The following DPYD variants were observed in gnomAD, a reference collection of about 807,000 sequenced individuals.
DPYD encodes the protein dihydropyrimidine dehydrogenase.
Under a neutral mutation model 116.2 loss-of-function variants are expected in DPYD, and 109 were observed. The ratio of observed to expected loss-of-function variants is 0.94; its 90% confidence interval spans 0.80 to 1.10. The LOEUF (loss-of-function observed/expected upper bound fraction) is 1.10. Among genes scored for constraint, DPYD ranks in the 50% least tolerant of loss-of-function variants. DPYD has a pLI of 0.00. For synonymous variants in DPYD, 440 were observed against 432.0 expected (o/e 1.02, Z -0.23); for missense variants, 1,302 against 1,254.5 (o/e 1.04, Z -0.57).
At chr1:97,569,287 G>T (rs960171812) in intron 11 of DPYD, among the ~76,000 whole-genome samples, 1 of 151,372 alleles carries the variant, frequency 6.6e-6, no homozygotes, top group African/African-American at 2.4e-5. Flanking sequence ...ACAATAAATC[G>T]ATTAAACCTG....
chr1:97,704,422 A>C (rs966339185), intron 5 of DPYD, among the ~76,000 whole-genome samples: 1 of 151,864 alleles, frequency 6.6e-6, no homozygotes, highest in East Asian at 1.9e-4. Flanking sequence ...GTGTAAGTTA[A>C]AAAAAAGAGG....
chr1:97,432,930 T>C (rs577799807), intron 14 of DPYD, among the ~76,000 whole-genome samples: 5 of 152,274 alleles, frequency 3.3e-5, no homozygotes, highest in Admixed American at 2.6e-4. Context: ...TCTTTACTTA[T>C]TGTTAATCCA....
At chr1:97,763,428 T>C (rs1665684519) in intron 3 of DPYD, among the ~76,000 whole-genome samples, 2 of 152,124 alleles carry the variant, frequency 1.3e-5, no homozygotes, top group African/African-American at 4.8e-5. Flanking sequence ...TCCTCTTTTT[T>C]CTGTTTCTCT....
chr1:97,289,382 C>A (rs904354672), intron 18 of DPYD, among the ~76,000 whole-genome samples: 1 of 152,056 alleles, frequency 6.6e-6, no homozygotes, highest in East Asian at 1.9e-4. Flanking sequence ...GAGACACAAT[C>A]GAAAAAGAGA....
chr1:97,166,498 T>C (rs867894846), intron 20 of DPYD, among the ~76,000 whole-genome samples: 1 of 152,002 alleles, frequency 6.6e-6, no homozygotes, highest in Non-Finnish European at 1.5e-5. Flanking sequence ...AAATAATCTG[T>C]AAAAGGGGCC....
At chr1:97,354,000 T>C (rs1272271633) in intron 16 of DPYD, among the ~76,000 whole-genome samples, 1 of 152,236 alleles carries the variant, frequency 6.6e-6, no homozygotes, top group Non-Finnish European at 1.5e-5. Flanking sequence ...GACCCTGCCA[T>C]GTTACTTACC....
At chr1:97,240,208 A>C (rs1305008871) in intron 18 of DPYD, among the ~76,000 whole-genome samples, 4 of 151,704 alleles carry the variant, frequency 2.6e-5, no homozygotes, top group Admixed American at 1.3e-4. Context: ...AAGGAAAAAA[A>C]GCCTCAAAAG....
chr1:97,181,626 C>T (rs1303129284), intron 20 of DPYD, among the ~76,000 whole-genome samples: 1 of 152,046 alleles, frequency 6.6e-6, no homozygotes, highest in Non-Finnish European at 1.5e-5. Context: ...GTTAAGGTAA[C>T]TTCTAAAAAC....
chr1:97,756,971 T>C (rs1665284024), intron 3 of DPYD, among the ~76,000 whole-genome samples: 1 of 152,158 alleles, frequency 6.6e-6, no homozygotes, highest in Non-Finnish European at 1.5e-5. Context: ...GAAGCTTTCC[T>C]CAACTACCCC....
At chr1:97,465,463 T>G (rs1019380769) in intron 13 of DPYD, among the ~76,000 whole-genome samples, 3 of 152,174 alleles carry the variant, frequency 2.0e-5, no homozygotes, top group Non-Finnish European at 4.4e-5. Context: ...TCATCTTGAA[T>G]TCCCATGTGT....
At chr1:97,242,120 G>GTC in intron 18 of DPYD, among the ~76,000 whole-genome samples, 1 of 27,034 alleles carries the variant, frequency 3.7e-5, no homozygotes, top group African/African-American at 2.4e-4. Flanking sequence ...GTGTGTGTGC[G>GTC]TGTGTATATA....
At chr1:97,638,869 A>G (rs1456175789) in intron 8 of DPYD, among the ~76,000 whole-genome samples, 1 of 152,140 alleles carries the variant, frequency 6.6e-6, no homozygotes, top group Non-Finnish European at 1.5e-5. Flanking sequence ...ATCTAGTCCC[A>G]TGATTCAAAC....
rs533339443 is a variant in DPYD at position 97,904,920 on chromosome 1, A to G, written c.39+15964T>C. Among the ~76,000 whole-genome samples the G allele has an allele frequency of 3.3e-5, 5 of 152,168 alleles. No homozygotes were observed. The South Asian group carries it at 6.2e-4, about 19-fold the overall frequency. On this transcript the variant is annotated intron_variant, in intron 1 of 22. Coordinates refer to ENST00000370192, the MANE Select transcript of DPYD (RefSeq NM_000110.4). ...TCAGTTGCCATGGGTATTAAAAGGC[A>G]CTACTGATCTTGAGTAATAGCAAGG... is the stretch of plus-strand genomic sequence containing the variant.
intron 14 of DPYD, among the ~76,000 whole-genome samples, chr1:97,383,001 C>G (rs1557673082): frequency 6.6e-6 from 1 of 152,036 alleles, no homozygotes; most frequent in Non-Finnish European, 1.5e-5. Flanking sequence ...GATTATTTAA[C>G]TACATTATTA....
chr1:97,233,645 A>G (rs1014278271), intron 19 of DPYD, among the ~76,000 whole-genome samples: 5 of 152,042 alleles, frequency 3.3e-5, no homozygotes, highest in African/African-American at 1.2e-4. Context: ...CAGGCTTTTC[A>G]TCTGTGCCTA....
At chr1:97,659,191 A>C (rs1184740438) in intron 8 of DPYD, among the ~76,000 whole-genome samples, 2 of 152,192 alleles carry the variant, frequency 1.3e-5, no homozygotes, top group African/African-American at 4.8e-5. Context: ...ACACCCAATG[A>C]ATCTCTGATC....
intron 19 of DPYD, among the ~76,000 whole-genome samples, chr1:97,222,373 G>A (rs1660835349): frequency 6.6e-6 from 1 of 152,050 alleles, no homozygotes. Context: ...ATTGTGCAAT[G>A]CTATTATTTT....
intron 8 of DPYD, among the ~76,000 whole-genome samples, chr1:97,608,483 T>C (rs1247154860): frequency 6.6e-6 from 1 of 151,704 alleles, no homozygotes; most frequent in East Asian, 1.9e-4. Flanking sequence ...AAATAAAGAC[T>C]CCTAGACAGT....
At chr1:97,079,298 T>A in intron 22 of DPYD, 152 bp from the exon 23 acceptor site, 2 of 762,380 alleles carry the variant, frequency 2.6e-6, no homozygotes, top group African/African-American at 1.7e-5. Flanking sequence ...ACAGTTGAGC[T>A]GACAGAGGAG....
Sources: gnomAD v4.1 joint callset for allele counts (sites outside exome capture counted in the v4.1 genomes callset) on GRCh38, gnomAD v4.1.1 for gene constraint, MANE v1.5 for transcripts, NCBI Gene and HGNC (gene_info 2026-07-23, HGNC 2026-07-21) for gene names.